Variants in PLEKHG3 observed in about 807,000 individuals in gnomAD.
PLEKHG3 encodes the protein pleckstrin homology and RhoGEF domain containing G3.
PLEKHG3 carries 62 observed loss-of-function variants against 94.9 expected under a neutral mutation model. The ratio of observed to expected loss-of-function variants is 0.65; its 90% CI spans 0.53 to 0.81. The LOEUF (loss-of-function observed/expected upper bound fraction) is 0.81, where lower values mean the gene tolerates loss of function less well. Among genes scored for constraint, PLEKHG3 ranks in the 30% least tolerant of loss-of-function variants. The probability of loss-of-function intolerance (pLI) is 0.00; values close to 1 mark genes in which losing one functional copy is unlikely to be tolerated. For synonymous variants in PLEKHG3, 614 were observed against 654.0 expected (o/e 0.94, Z 0.93); for missense variants, 1,461 against 1,619.3 (o/e 0.90, Z 1.68).
intron 1 of PLEKHG3, among the ~76,000 whole-genome samples, chr14:64,706,019 A>G (rs2080966273): frequency 6.6e-6 from 1 of 152,144 alleles, no homozygotes; most frequent in African/African-American, 2.4e-5. Context: ...TGGGGCAGGA[A>G]GTTGGGGGAA....
At chr14:64,710,285 T>C (rs1289134884) in intron 1 of PLEKHG3, among the ~76,000 whole-genome samples, 2 of 152,224 alleles carry the variant, frequency 1.3e-5, no homozygotes, top group Non-Finnish European at 2.9e-5. Flanking sequence ...AGGTCCTACA[T>C]TTTTCTTCAT....
rs2081182704 is a variant in PLEKHG3 at position 64,717,212 on chromosome 14, C to G, written c.-39-10381C>G. On this transcript the variant is annotated intron_variant, in intron 1 of 16. Transcript: ENST00000247226. The surrounding 1 kb of genome is among the most constrained non-coding windows in gnomAD (Gnocchi z 4.7). ...ACTTCTCTGGGTCAGGCACCAAGCC[C>G]AAGGTCAGAGCCCAGGGCAAAGAAA... Among the ~76,000 whole-genome samples, 1 of 152,092 alleles carries G rather than the reference C, an allele frequency of 6.6e-6. No homozygotes were observed. Among genetic ancestry groups the G allele is most frequent in the Admixed American group, 6.5e-5 (1 of 15,282 alleles).
intron 1 of PLEKHG3, among the ~76,000 whole-genome samples, chr14:64,711,306 T>C (rs1050527093): frequency 5.9e-5 from 9 of 152,244 alleles, no homozygotes; most frequent in African/African-American, 1.9e-4. Context: ...AAAGTTTGAC[T>C]GTGTTACAGT....
Position 64,716,492 on chromosome 14 carries a change from ACACAAC to A in PLEKHG3, c.-39-11100_-39-11095del, listed in dbSNP as rs1324577769. Among the ~76,000 whole-genome samples, 22 of 92,804 alleles carry A rather than the reference ACACAAC, an allele frequency of 2.4e-4. No individual in the cohort carries two copies. Among genetic ancestry groups the A allele is most frequent in the Non-Finnish European group, 3.5e-4 (16 of 45,110 alleles). 60.9% of individuals were successfully genotyped at this position (92,804 alleles called of 152,430 possible). A position where few individuals can be genotyped will look rare whatever the true frequency, so the allele number is the denominator to read the frequency against. On this transcript the variant is annotated intron_variant, in intron 1 of 16. Coordinates refer to ENST00000247226, the MANE Select transcript of PLEKHG3 (RefSeq NM_001308147.2). The surrounding 1 kb of genome is among the most constrained non-coding windows in gnomAD (Gnocchi z 5.0). ...ACACACACACACACAACACACACAC[ACACAAC>A]ACACACACACACACACACACACACA...
At chr14:64,735,972 T>C (rs2081561338) in intron 12 of PLEKHG3, among the ~76,000 whole-genome samples, 2 of 152,244 alleles carry the variant, frequency 1.3e-5, no homozygotes, top group South Asian at 4.1e-4. Flanking sequence ...ATACAGATAG[T>C]GTATGTATGT....
In PLEKHG3 at chr14:64,750,130, C is replaced by T; in HGVS notation, c.*6427C>T. On this transcript the variant is annotated 3_prime_UTR_variant, in exon 17 of 17. Transcript: ENST00000247226. ...AGAAGGTTAGCTCACTGTTCCTGAGCACACAGTACAGGTTGTTCCAGGACC... is the reference window on the plus strand; with the variant it reads ...AGAAGGTTAGCTCACTGTTCCTGAGTACACAGTACAGGTTGTTCCAGGACC... 6.2e-7 allele frequency: 1 copy of T among 1,614,106 alleles called. No homozygotes were observed. Among genetic ancestry groups the T allele is most frequent in the South Asian group, 1.1e-5 (1 of 91,084 alleles).
In PLEKHG3 at chr14:64,730,342, C is replaced by T; in HGVS notation, c.519+30C>T. 2.1e-6 allele frequency: 3 copies of T among 1,427,598 alleles called. No homozygotes were observed. The highest frequency in any genetic ancestry group is 1.9e-6 in the Non-Finnish European group (2 of 1,047,740). 88.4% of individuals were successfully genotyped at this position (1,427,598 alleles called of 1,614,324 possible). ...GAAGGGCTGGGTCCTTGCCTCTGTC[C>T]TACCTTGCTGAGAGCTCAGAGAGAC... On this transcript the variant is annotated intron_variant, in intron 4 of 16. Coordinates refer to ENST00000247226, the MANE Select transcript of PLEKHG3 (RefSeq NM_001308147.2). The surrounding 1 kb of genome is among the most constrained non-coding windows in gnomAD (Gnocchi z 5.4).
At chr14:64,713,005 A>T (rs943516814) in intron 1 of PLEKHG3, among the ~76,000 whole-genome samples, 1 of 152,162 alleles carries the variant, frequency 6.6e-6, no homozygotes, top group Non-Finnish European at 1.5e-5. Flanking sequence ...GAGCGTTTTT[A>T]TCATAGAAGA....
chr14:64,730,802 C>T lies in PLEKHG3; in HGVS notation c.570C>T (p.Ser190=), dbSNP rs776854734. The part of the protein sequence containing the change: ...YTQYCNNYPN[S]VAALTECMRD... ...CTGGCCCTTCTCCCACTCCCAGCTC[C>T]GTGGCCGCCCTGACGGAATGCATGC... Residue 190 remains serine, a synonymous_variant, in exon 6 of 17, where the codon TCC becomes TCT. Transcript: ENST00000247226. The surrounding 1 kb of genome is among the most constrained non-coding windows in gnomAD (Gnocchi z 5.4). 32 of 1,612,920 alleles carry T rather than the reference C, an allele frequency of 2.0e-5. No homozygotes were observed. Among genetic ancestry groups the T allele is most frequent in the Middle Eastern group, 1.6e-4 (1 of 6,082 alleles).
chr14:64,732,954 A>G lies in PLEKHG3; in HGVS notation c.1345+53A>G, dbSNP rs1423593689. The G allele has an allele frequency of 1.2e-5, 14 of 1,153,430 alleles. No individual in the cohort carries two copies. The highest frequency in any genetic ancestry group is 1.7e-5 in the Non-Finnish European group (13 of 781,448). 71.4% of individuals were successfully genotyped at this position (1,153,430 alleles called of 1,614,324 possible). A position where few individuals can be genotyped will look rare whatever the true frequency, so the allele number is the denominator to read the frequency against. On this transcript the variant is annotated intron_variant, in intron 12 of 16. Transcript: ENST00000247226. This position sits in a 1 kb window ranked among gnomAD's most constrained non-coding sequence, Gnocchi z 4.9. ...GCCTCTCCCTCACACCCTTGCCCAG[A>G]CTGGGGACCGTCTGCGGCAGTGTCC...
At position 64,716,827 on chromosome 14, in the gene PLEKHG3, A is replaced by G. The variant is rs146447687; in HGVS notation, c.-39-10766A>G. Among the ~76,000 whole-genome samples the G allele has an allele frequency of 6.6e-6, 1 of 152,256 alleles. No homozygotes were observed. Among genetic ancestry groups the G allele is most frequent in the East Asian group, 1.9e-4 (1 of 5,168 alleles). ...ACGCTGCTTCCTCGGCCGTGTCTCT[A>G]CACGTGTGCACCCCAGAATTGGGAT... is the stretch of plus-strand genomic sequence containing the variant. On this transcript the variant is annotated intron_variant, in intron 1 of 16. Transcript: ENST00000247226. The surrounding 1 kb of genome is among the most constrained non-coding windows in gnomAD (Gnocchi z 5.0).
chr14:64,724,767 T>G (rs909639699), intron 1 of PLEKHG3, among the ~76,000 whole-genome samples: 1 of 152,094 alleles, frequency 6.6e-6, no homozygotes. Flanking sequence ...CCCTGTCTGG[T>G]GTGTAGTCCA....
rs547690524 is a variant in PLEKHG3, at chr14:64,725,560, T to G, written c.-39-2033T>G. 1.8e-4 allele frequency among the ~76,000 whole-genome samples: 28 copies of G among 152,172 alleles called. No homozygotes were observed. The highest frequency in any genetic ancestry group is 3.2e-4 in the Non-Finnish European group (22 of 68,022). On this transcript the variant is annotated intron_variant, in intron 1 of 16. Transcript: ENST00000247226. The surrounding 1 kb of genome is among the most constrained non-coding windows in gnomAD (Gnocchi z 5.0). ...CATAGCTGATTAATTGTAAAGGCCC[T>G]TTTGAGGAGGGAGGAAAAAGCAACA...
chr14:64,727,684 G>A lies in PLEKHG3; in HGVS notation c.53G>A (p.Ser18Asn). 2 of 1,612,592 alleles carry A rather than the reference G, an allele frequency of 1.2e-6. No individual in the cohort carries two copies. Among genetic ancestry groups the A allele is most frequent in the Non-Finnish European group, 1.7e-6 (2 of 1,179,772 alleles). ...GATGGCAGCCAGGAGCGGCCGGTGA[G>A]CCTGACCTCTACCACCTCCTCGTCG... ...HQDGSQERPV[S>N]LTSTTSSSGS... The change falls in exon 2 of 17, where the codon AGC becomes AAC. Residue 18 changes from serine (S) to asparagine (N), a missense_variant. By Grantham distance (46) the Ser-to-Asn change is conservative. Transcript: ENST00000247226. The surrounding 1 kb of genome is among the most constrained non-coding windows in gnomAD (Gnocchi z 6.0).
At position 64,718,102 on chromosome 14, in the gene PLEKHG3, C is replaced by T. The variant is rs1211256063; in HGVS notation, c.-39-9491C>T. On this transcript the variant is annotated intron_variant, in intron 1 of 16. Coordinates refer to ENST00000247226, the MANE Select transcript of PLEKHG3 (RefSeq NM_001308147.2). This position sits in a 1 kb window ranked among gnomAD's most constrained non-coding sequence, Gnocchi z 5.0. ...TCTTCACCTGGCAAAGCTTACTCGTCATTTATGACTCAGCTAAGATGTCAC... is the reference window on the plus strand; with the variant it reads ...TCTTCACCTGGCAAAGCTTACTCGTTATTTATGACTCAGCTAAGATGTCAC... Among the ~76,000 whole-genome samples, 5 of 152,234 alleles carry T rather than the reference C, an allele frequency of 3.3e-5. No homozygotes were observed. Among genetic ancestry groups the T allele is most frequent in the Non-Finnish European group, 5.9e-5 (4 of 68,038 alleles).
rs757776842 is a variant in PLEKHG3, at chr14:64,748,009, G to C, written c.*4306G>C. 2.0e-5 allele frequency: 3 copies of C among 152,156 alleles called. No homozygotes were observed. Among genetic ancestry groups the C allele is most frequent in the African/African-American group, 7.3e-5 (3 of 41,368 alleles). The allele number at this position is 152,156 out of a possible 1,614,324, so 9.4% of individuals were successfully genotyped here. A position where few individuals can be genotyped will look rare whatever the true frequency, so the allele number is the denominator to read the frequency against. On this transcript the variant is annotated 3_prime_UTR_variant, in exon 17 of 17. Transcript: ENST00000247226. ...GAGCTTCTGGTGCTCAGGGCTGGAG[G>C]GTGGTAGATATTTGACCTCTGTACT...
Position 64,715,901 on chromosome 14 carries a change from T to G in PLEKHG3, c.-40+11197T>G. ...AAGTATGACCCACACGCAGAACTGG[T>G]TCTGAATAGAACATTTATTGACGAA... On this transcript the variant is annotated intron_variant, in intron 1 of 16. Coordinates refer to ENST00000247226, the MANE Select transcript of PLEKHG3 (RefSeq NM_001308147.2). The surrounding 1 kb of genome is among the most constrained non-coding windows in gnomAD (Gnocchi z 4.4). 2.5e-6 allele frequency: 1 copy of G among 392,408 alleles called. No individual in the cohort carries two copies. The highest frequency in any genetic ancestry group is 5.1e-6 in the Non-Finnish European group (1 of 194,528). 24.3% of individuals were successfully genotyped at this position (392,408 alleles called of 1,614,324 possible).
At chr14:64,737,852 C>G (rs1402586400) in intron 14 of PLEKHG3, 1 of 1,183,464 alleles carries the variant, frequency 8.4e-7, no homozygotes, top group African/African-American at 1.6e-5. Flanking sequence ...GGGTCTTGTG[C>G]TCTGAACAGC....
At chr14:64,719,342 C>T (rs960321998) in intron 1 of PLEKHG3, among the ~76,000 whole-genome samples, 1 of 150,778 alleles carries the variant, frequency 6.6e-6, no homozygotes, top group African/African-American at 2.4e-5. Context: ...TTATCATCAT[C>T]ACCACCACCA....
Sources: allele counts gnomAD v4.1 joint callset (sites outside exome capture counted in the v4.1 genomes callset), GRCh38; gene constraint gnomAD v4.1.1; non-coding constraint Gnocchi (gnomAD v3.1); transcripts MANE v1.5; gene names NCBI Gene and HGNC (gene_info 2026-07-23, HGNC 2026-07-21).